Variants in HDAC4 observed in about 807,000 individuals in gnomAD.
HDAC4 encodes histone deacetylase A.
A neutral mutation model predicts 135.1 loss-of-function variants in HDAC4; 16 were observed. The ratio of observed to expected loss-of-function variants is 0.12; its 90% CI spans 0.08 to 0.18. The LOEUF (loss-of-function observed/expected upper bound fraction) is 0.18, where lower values mean the gene tolerates loss of function less well. HDAC4 is among the 10% of genes least tolerant of loss of function. The pLI is 1.00. For missense variants in HDAC4, 1,143 were observed against 1,511.8 expected, an observed-to-expected ratio of 0.76 and a Z score of 4.05; for synonymous variants, 685 against 653.4, an observed-to-expected ratio of 1.05 and a Z score of -0.74.
intron 1 of HDAC4, among the ~76,000 whole-genome samples, chr2:239,378,033 T>C (rs1370046618): frequency 6.6e-6 from 1 of 152,142 alleles, no homozygotes; most frequent in Non-Finnish European, 1.5e-5. Context: ...AGACGTCGCG[T>C]CCTGAGGCAT....
Position 239,074,588 on chromosome 2 carries a change from C to T in HDAC4, c.2751-5981G>A, listed in dbSNP as rs749114218. Among the ~76,000 whole-genome samples, 5 of 152,212 alleles carry T rather than the reference C, an allele frequency of 3.3e-5. No individual in the cohort carries two copies. In the South Asian group the frequency reaches 6.2e-4, roughly 19 times the overall value. ...GCTGCGTGGGGCACAGTCGGATGCA[C>T]GTGCCCACACACTCATTTTCATTTT... On this transcript the variant is annotated intron_variant, in intron 22 of 26. Coordinates refer to ENST00000543185, the MANE Select transcript of HDAC4 (RefSeq NM_001378414.1).
rs953065472 is a variant in HDAC4 at position 239,070,684 on chromosome 2, T to A, written c.2751-2077A>T. 4.6e-5 allele frequency among the ~76,000 whole-genome samples: 7 copies of A among 152,222 alleles called. No homozygotes were observed. The East Asian group carries it at 1.3e-3, about 29-fold the overall frequency. ...TGAGACAGGTGGTCTGGTGTCTTCC[T>A]GCAATGACGGCCCAGGTGCAAGGGG... On this transcript the variant is annotated intron_variant, in intron 22 of 26. Transcript: ENST00000543185.
intron 2 of HDAC4, among the ~76,000 whole-genome samples, chr2:239,251,734 GT>G (rs1456660300): frequency 6.6e-6 from 1 of 151,856 alleles, no homozygotes; most frequent in African/African-American, 2.4e-5. Flanking sequence ...TTATTCAATG[GT>G]ACAAATGTAC....
chr2:239,141,152 G>A lies in HDAC4; in HGVS notation c.866-1356C>T, dbSNP rs952515994. ...ACGTGGCTTGAGGGAACTGTCATGGGCGTCTGCATACCAGAGTTAACCCAG... is the reference window on the plus strand; with the variant it reads ...ACGTGGCTTGAGGGAACTGTCATGGACGTCTGCATACCAGAGTTAACCCAG... On this transcript the variant is annotated intron_variant, in intron 8 of 26. Transcript: ENST00000543185. The surrounding 1 kb of genome is among the most constrained non-coding windows in gnomAD (Gnocchi z 4.9). Among the ~76,000 whole-genome samples the A allele has an allele frequency of 2.0e-5, 3 of 152,172 alleles. No individual in the cohort carries two copies. Among genetic ancestry groups the A allele is most frequent in the Non-Finnish European group, 4.4e-5 (3 of 68,026 alleles).
At chr2:239,123,275 C>T (rs999535343) in intron 12 of HDAC4, among the ~76,000 whole-genome samples, 8 of 152,212 alleles carry the variant, frequency 5.3e-5, no homozygotes, top group African/African-American at 1.7e-4. Flanking sequence ...GCCTGGCAGG[C>T]GCCCGACACG....
At chr2:239,216,360 AAG>A (rs2046637828) in intron 3 of HDAC4, among the ~76,000 whole-genome samples, 1 of 152,108 alleles carries the variant, frequency 6.6e-6, no homozygotes, top group Admixed American at 6.5e-5. Flanking sequence ...CCTTGGCACT[AAG>A]AGCTGATGTT....
intron 6 of HDAC4, among the ~76,000 whole-genome samples, chr2:239,162,801 C>T (rs977685532): frequency 3.3e-5 from 5 of 152,032 alleles, no homozygotes; most frequent in Admixed American, 6.6e-5. Flanking sequence ...TGGGATGTGT[C>T]GGGGTAGCGG....
chr2:239,276,238 C>T (rs970052168), intron 2 of HDAC4, among the ~76,000 whole-genome samples: 1 of 152,200 alleles, frequency 6.6e-6, no homozygotes, highest in African/African-American at 2.4e-5. Context: ...GGAGAGGCCC[C>T]GAACCAGAGA....
Position 239,068,457 on chromosome 2 carries a change from C to A in HDAC4, c.2869+32G>T. ...CAGCGGATCATGGACATGAGCAGAA[C>A]CGGCTCCTCAGTCATATGCAGAACC... On this transcript the variant is annotated intron_variant, in intron 23 of 26. Transcript: ENST00000543185. This position sits in a 1 kb window ranked among gnomAD's most constrained non-coding sequence, Gnocchi z 4.4. The A allele has an allele frequency of 6.9e-7, 1 of 1,457,512 alleles. No homozygotes were observed. The highest frequency in any genetic ancestry group is 1.1e-5 in the South Asian group (1 of 88,032). The allele number at this position is 1,457,512 out of a possible 1,614,324, so 90.3% of individuals were successfully genotyped here. A position where few individuals can be genotyped will look rare whatever the true frequency, so the allele number is the denominator to read the frequency against.
At chr2:239,325,164 T>C (rs2125787188) in intron 2 of HDAC4, among the ~76,000 whole-genome samples, 1 of 152,306 alleles carries the variant, frequency 6.6e-6, no homozygotes, top group South Asian at 2.1e-4. Context: ...GGGGTTAGTC[T>C]TCATGACCTT....
rs554236256 is a variant in HDAC4, at chr2:239,213,129, C to T, written c.95-23052G>A. ...TCCCGCCAGTACCCAGAGCTGTCCC[C>T]AGAATATGAGACGGCCACGATGCTG... is the stretch of plus-strand genomic sequence containing the variant. On this transcript the variant is annotated intron_variant, in intron 3 of 26. Transcript: ENST00000543185. Among the ~76,000 whole-genome samples, 11 of 151,894 alleles carry T rather than the reference C, an allele frequency of 7.2e-5. 1 individual carries two copies. The highest frequency in any genetic ancestry group is 3.4e-3 in the Middle Eastern group (1 of 294).
intron 1 of HDAC4, among the ~76,000 whole-genome samples, chr2:239,380,278 G>A (rs979637968): frequency 3.3e-5 from 5 of 152,168 alleles, no homozygotes; most frequent in African/African-American, 4.8e-5. Context: ...GCACACACAC[G>A]TCCGTGCACA....
intron 18 of HDAC4, among the ~76,000 whole-genome samples, chr2:239,088,968 C>T (rs1364379844): frequency 5.9e-5 from 9 of 152,096 alleles, no homozygotes; most frequent in East Asian, 1.9e-4. Context: ...GACCAACGCA[C>T]GGTGCTACCA....
chr2:239,134,748 T>C (rs535413344), intron 9 of HDAC4, 105 bp from the exon 10 acceptor site: 21 of 841,544 alleles, frequency 2.5e-5, no homozygotes, highest in East Asian at 2.2e-4. Flanking sequence ...AATTCTGATA[T>C]ATGAGCGTAA....
Position 239,165,494 on chromosome 2 carries a change from G to T in HDAC4, c.491-1571C>A, listed in dbSNP as rs551460610. 3.9e-5 allele frequency among the ~76,000 whole-genome samples: 6 copies of T among 152,334 alleles called. No homozygotes were observed. In the East Asian group the frequency reaches 1.2e-3, roughly 29 times the overall value. On this transcript the variant is annotated intron_variant, in intron 5 of 26. Transcript: ENST00000543185. ...TGGTGTTGTGGGTCTGTGTGTGTGT[G>T]TGTGTTTCATACTTGTATCCACTGG...
chr2:239,166,592 G>A (rs999867396), intron 5 of HDAC4, among the ~76,000 whole-genome samples: 12 of 152,184 alleles, frequency 7.9e-5, no homozygotes, highest in Non-Finnish European at 1.6e-4. Context: ...AAGGGGACTG[G>A]TCAGAAGATC....
chr2:239,396,637 T>C (rs1696579975), intron 1 of HDAC4, among the ~76,000 whole-genome samples: 1 of 152,226 alleles, frequency 6.6e-6, no homozygotes, highest in Non-Finnish European at 1.5e-5. Context: ...ATATTGACTG[T>C]TAAGCTTACA....
intron 3 of HDAC4, among the ~76,000 whole-genome samples, chr2:239,193,771 T>C (rs1302128307): frequency 6.6e-6 from 1 of 152,246 alleles, no homozygotes; most frequent in African/African-American, 2.4e-5. Flanking sequence ...ACACCCAAGG[T>C]TGGCTGGCCG....
intron 5 of HDAC4, among the ~76,000 whole-genome samples, chr2:239,165,556 G>C (rs2043074139): frequency 6.6e-6 from 1 of 152,128 alleles, no homozygotes; most frequent in African/African-American, 2.4e-5. Flanking sequence ...GCTGTATCGA[G>C]AGCCTAGTAT....
Sources: gnomAD v4.1 joint callset for allele counts (sites outside exome capture counted in the v4.1 genomes callset) on GRCh38, gnomAD v4.1.1 for gene constraint, Gnocchi (gnomAD v3.1) non-coding constraint, MANE v1.5 for transcripts, NCBI Gene and HGNC (gene_info 2026-07-23, HGNC 2026-07-21) for gene names.